Variants in HJURP observed in about 807,000 individuals in gnomAD.
The protein encoded by HJURP is 14-3-3-associated AKT substrate.
In HJURP, 49 loss-of-function variants were observed where a neutral mutation model predicts 72.0. The observed-to-expected ratio is 0.68, with a 90% CI of 0.54 to 0.86. The LOEUF (loss-of-function observed/expected upper bound fraction) is 0.86, where lower values mean the gene tolerates loss of function less well. Among genes scored for constraint, HJURP ranks in the 40% least tolerant of loss-of-function variants. The pLI is 0.00. For missense variants in HJURP, 908 were observed against 936.3 expected (o/e 0.97, Z 0.39); for synonymous variants, 357 against 347.1 (o/e 1.03, Z -0.32).
At chr2:233,854,329 C>T in intron 1 of HJURP, 55 bp downstream of exon 1, 1 of 1,307,224 alleles carries the variant, frequency 7.6e-7, no homozygotes, top group Non-Finnish European at 1.1e-6. Context: ...CGTCCCCTCC[C>T]AGCCTCACTC....
chr2:233,854,396 C>A lies in HJURP; in HGVS notation c.105G>T (p.Arg35=), dbSNP rs1705569031. The change falls in exon 1 of 9, where the codon CGG becomes CGT. Residue 35 remains arginine, a synonymous_variant. Coordinates refer to ENST00000411486, the MANE Select transcript of HJURP (RefSeq NM_018410.5). ...GCGGGGGCCGCACCTTCTCTATCAG[C>A]CGCTGCATGCGCCTCTGGAAGCGGC... ...SRRRFQRRMQ[R]LIEKYNQPFE... is the part of the protein sequence containing the mutation. The A allele has an allele frequency of 6.3e-7, 1 of 1,597,206 alleles. No individual in the cohort carries two copies. Among genetic ancestry groups the A allele is most frequent in the African/African-American group, 1.3e-5 (1 of 74,782 alleles).
At chr2:233,845,483 G>A (rs1038525145) in intron 6 of HJURP, among the ~76,000 whole-genome samples, 5 of 152,158 alleles carry the variant, frequency 3.3e-5, no homozygotes, top group African/African-American at 9.7e-5. Context: ...AGTTGCCCCA[G>A]AACAGTGGGC....
chr2:233,843,701 A>G (rs1166367304), intron 7 of HJURP, among the ~76,000 whole-genome samples: 1 of 152,190 alleles, frequency 6.6e-6, no homozygotes, highest in Non-Finnish European at 1.5e-5. Context: ...AAAGGCTGCA[A>G]AGGACGTCAC....
At chr2:233,838,995 ACACAGTGCC>A (rs1464846182) in intron 8 of HJURP, among the ~76,000 whole-genome samples, 1 of 152,218 alleles carries the variant, frequency 6.6e-6, no homozygotes, top group Admixed American at 6.5e-5. Context: ...GGCCCTGCCC[ACACAGTGCC>A]CCTGACCCTA....
intron 3 of HJURP, among the ~76,000 whole-genome samples, chr2:233,851,846 T>C (rs902506237): frequency 2.6e-5 from 4 of 152,184 alleles, no homozygotes; most frequent in Non-Finnish European, 5.9e-5. Flanking sequence ...ATCGTCACAT[T>C]GATCTTGATG....
intron 3 of HJURP, among the ~76,000 whole-genome samples, chr2:233,851,961 C>T (rs1281955682): frequency 1.3e-5 from 2 of 152,122 alleles, no homozygotes; most frequent in Non-Finnish European, 2.9e-5. Context: ...CTGGCAAAAG[C>T]CACTGTGGCA....
rs763381218 is a variant in HJURP at position 233,841,115 on chromosome 2, T to C, written c.1665A>G (p.Ser555=). The C allele has an allele frequency of 1.4e-5, 23 of 1,614,170 alleles. No homozygotes were observed. The highest frequency in any genetic ancestry group is 7.6e-6 in the Non-Finnish European group (9 of 1,180,026). ...QGNSSGIFRK[S]VSPSKTLSVP... ...CTGAAAGAGTTTTGCTGGGTGACAC[T>C]GACTTTCTAAATATTCCAGAACTAT... The change falls in exon 8 of 9, where the codon TCA becomes TCG. Residue 555 remains serine, a synonymous_variant. Coordinates refer to ENST00000411486, the MANE Select transcript of HJURP (RefSeq NM_018410.5).
chr2:233,847,850 T>C (rs1187287252), intron 4 of HJURP, among the ~76,000 whole-genome samples: 2 of 152,234 alleles, frequency 1.3e-5, no homozygotes, highest in African/African-American at 2.4e-5. Flanking sequence ...ATGTGGCCAG[T>C]AAGGCTGAGG....
intron 7 of HJURP, among the ~76,000 whole-genome samples, chr2:233,842,459 T>G (rs1705257506): frequency 1.3e-5 from 2 of 152,188 alleles, no homozygotes; most frequent in Non-Finnish European, 2.9e-5. Flanking sequence ...GATGGATGCC[T>G]TTTCAAAAGC....
intron 3 of HJURP, among the ~76,000 whole-genome samples, chr2:233,851,733 T>C (rs1705500650): frequency 6.6e-6 from 1 of 152,264 alleles, no homozygotes; most frequent in African/African-American, 2.4e-5. Context: ...GTGACCATCT[T>C]TGCAGAGAGG....
At position 233,853,851 on chromosome 2, in the gene HJURP, C is replaced by A. The variant is rs994718607; in HGVS notation, c.177G>T (p.Thr59=). The A allele has an allele frequency of 5.6e-6, 9 of 1,613,654 alleles. No homozygotes were observed. Among genetic ancestry groups the A allele is most frequent in the Non-Finnish European group, 7.6e-6 (9 of 1,179,662 alleles). The part of the protein sequence containing the change: ...VVQMATLTYE[T]PQGLRIWGGR... ...GGTGGGGAAGACCCTTACCCTGTGGCGTCTCGTAGGTCAGCGTGGCCATTT... is the reference window on the plus strand; with the variant it reads ...GGTGGGGAAGACCCTTACCCTGTGGAGTCTCGTAGGTCAGCGTGGCCATTT... Residue 59 remains threonine (T), a synonymous_variant, in exon 2 of 9, where the codon ACG becomes ACT. Coordinates refer to ENST00000411486, the MANE Select transcript of HJURP (RefSeq NM_018410.5).
intron 5 of HJURP, among the ~76,000 whole-genome samples, 179 bp downstream of exon 5, chr2:233,847,218 C>T (rs1705383315): frequency 6.6e-6 from 1 of 152,170 alleles, no homozygotes; most frequent in African/African-American, 2.4e-5. Flanking sequence ...GAGGGCCTTA[C>T]CGCTGAAGGG....
intron 8 of HJURP, 62 bp from the exon 9 acceptor site, chr2:233,837,714 C>A: frequency 1.9e-6 from 2 of 1,049,754 alleles, no homozygotes; most frequent in Non-Finnish European, 2.9e-6. Context: ...CCAATGCCAG[C>A]CACTAAAAGG....
In HJURP at chr2:233,847,467, A is replaced by C; in HGVS notation, c.338-6T>G. On this transcript the variant is annotated splice_polypyrimidine_tract_variant and splice_region_variant and intron_variant, in intron 4 of 8. Coordinates refer to ENST00000411486, the MANE Select transcript of HJURP (RefSeq NM_018410.5). ...GACCTCACCGCTTTTTGAATCTAAA[A>C]GTCAAACAAGTAAATCTCAATCAGG... 1 of 1,613,038 alleles carries C rather than the reference A, an allele frequency of 6.2e-7. No individual in the cohort carries two copies. Among genetic ancestry groups the C allele is most frequent in the Non-Finnish European group, 8.5e-7 (1 of 1,178,948 alleles).
At chr2:233,842,277 A>G (rs1305944288) in intron 7 of HJURP, 72 bp from the exon 8 acceptor site, 9 of 1,321,366 alleles carry the variant, frequency 6.8e-6, no homozygotes, top group Non-Finnish European at 9.4e-6. Context: ...AGATGACAGA[A>G]CTTAAGATTG....
At chr2:233,853,455 G>T (rs1411860937) in intron 2 of HJURP, among the ~76,000 whole-genome samples, 1 of 152,112 alleles carries the variant, frequency 6.6e-6, no homozygotes, top group Non-Finnish European at 1.5e-5. Context: ...TGCGGGGCGG[G>T]GTACTGTTCA....
At chr2:233,840,205 A>G (rs1462189737) in intron 8 of HJURP, among the ~76,000 whole-genome samples, 1 of 152,252 alleles carries the variant, frequency 6.6e-6, no homozygotes, top group Non-Finnish European at 1.5e-5. Flanking sequence ...GAATCCAGAA[A>G]TAGGAAGTCA....
At chr2:233,845,047 C>T (rs770992635) in intron 6 of HJURP, among the ~76,000 whole-genome samples, 3 of 152,048 alleles carry the variant, frequency 2.0e-5, no homozygotes, top group Non-Finnish European at 4.4e-5. Context: ...TGATTCTAGC[C>T]TGATCGCACC....
chr2:233,837,499 G>T lies in HJURP; in HGVS notation c.*78C>A. 1 of 997,694 alleles carries T rather than the reference G, an allele frequency of 1.0e-6. No homozygotes were observed. Among genetic ancestry groups the T allele is most frequent in the Non-Finnish European group, 1.6e-6 (1 of 628,968 alleles). The allele number at this position is 997,694 out of a possible 1,614,324, so 61.8% of individuals were successfully genotyped here. On this transcript the variant is annotated 3_prime_UTR_variant, in exon 9 of 9. Transcript: ENST00000411486. ...CAGAGAAGTCAACCAAGTCCTCACA[G>T]TCTCAAGAATCAAAAACAAAACAAA... is the stretch of plus-strand genomic sequence containing the variant.
Sources: gnomAD v4.1 joint callset for allele counts (sites outside exome capture counted in the v4.1 genomes callset) on GRCh38, gnomAD v4.1.1 for gene constraint, MANE v1.5 for transcripts, NCBI Gene and HGNC (gene_info 2026-07-23, HGNC 2026-07-21) for gene names.